Variants in CYP2C19 observed in about 807,000 individuals in gnomAD.
CYP2C19 encodes cytochrome P450 2C19.
Under a neutral mutation model 40.9 loss-of-function variants are expected in CYP2C19, and 59 were observed. That is an observed-to-expected ratio of 1.44 (90% CI 1.17 to 1.79). The LOEUF is 1.79. CYP2C19 is among the 40% of genes most tolerant of loss of function. The probability of loss-of-function intolerance (pLI) is 0.00; values close to 1 mark genes in which losing one functional copy is unlikely to be tolerated. For missense variants in CYP2C19, 754 were observed against 596.9 expected (o/e 1.26, Z -2.74); for synonymous variants, 253 against 208.7 (o/e 1.21, Z -1.83).
intron 3 of CYP2C19, among the ~76,000 whole-genome samples, chr10:94,777,815 G>A (rs1298198774): frequency 6.6e-6 from 1 of 152,062 alleles, no homozygotes; most frequent in Non-Finnish European, 1.5e-5. Flanking sequence ...AAACTAAAGA[G>A]CTTCTGCATA....
rs997537574 is a variant in CYP2C19 at position 94,853,946 on chromosome 10, A to C, written c.*1032A>C. Reference sequence around the variant, plus strand: ...CTTAGAATGAAGTAATGAAGTATAAATATATGCTTTCATATTGCTGCTCAT... The same window carrying C: ...CTTAGAATGAAGTAATGAAGTATAACTATATGCTTTCATATTGCTGCTCAT... On this transcript the variant is annotated 3_prime_UTR_variant, in exon 9 of 9. Coordinates refer to ENST00000371321, the MANE Select transcript of CYP2C19 (RefSeq NM_000769.4). Among the ~76,000 whole-genome samples, 2 of 152,092 alleles carry C rather than the reference A, an allele frequency of 1.3e-5. No individual in the cohort carries two copies. Among genetic ancestry groups the C allele is most frequent in the Non-Finnish European group, 2.9e-5 (2 of 68,018 alleles).
At chr10:94,778,362 C>A (rs533607438) in intron 3 of CYP2C19, among the ~76,000 whole-genome samples, 1 of 152,262 alleles carries the variant, frequency 6.6e-6, no homozygotes, top group South Asian at 2.1e-4. Context: ...CTATGCAGAG[C>A]CTTCCGACCT....
chr10:94,797,374 T>G (rs1180131905), intron 5 of CYP2C19, among the ~76,000 whole-genome samples: 1 of 152,126 alleles, frequency 6.6e-6, no homozygotes, highest in Non-Finnish European at 1.5e-5. Flanking sequence ...CTTTTTGATG[T>G]GCTGCTGGAT....
chr10:94,801,358 G>A (rs1331056637), intron 5 of CYP2C19, among the ~76,000 whole-genome samples: 3 of 152,170 alleles, frequency 2.0e-5, no homozygotes, highest in Non-Finnish European at 4.4e-5. Flanking sequence ...TTACTCAGTA[G>A]TCATTCAGGA....
intron 5 of CYP2C19, among the ~76,000 whole-genome samples, chr10:94,801,203 C>T (rs1213750136): frequency 1.3e-5 from 2 of 152,212 alleles, no homozygotes; most frequent in African/African-American, 4.8e-5. Flanking sequence ...GATTTTAGAT[C>T]TTTCATGCTT....
intron 1 of CYP2C19, among the ~76,000 whole-genome samples, chr10:94,763,103 C>A (rs989177645): frequency 6.6e-6 from 1 of 152,144 alleles, no homozygotes; most frequent in East Asian, 1.9e-4. Flanking sequence ...TTCAGAATAA[C>A]AAACTGTCAA....
chr10:94,841,682 A>G (rs1849497561), intron 6 of CYP2C19, among the ~76,000 whole-genome samples: 2 of 152,114 alleles, frequency 1.3e-5, no homozygotes, highest in African/African-American at 4.8e-5. Flanking sequence ...AGGTTTTGGT[A>G]TGTTATGTTT....
At chr10:94,768,982 C>T (rs764590082) in intron 1 of CYP2C19, among the ~76,000 whole-genome samples, 11 of 151,984 alleles carry the variant, frequency 7.2e-5, no homozygotes, top group South Asian at 2.1e-4. Flanking sequence ...TCACTGTATC[C>T]GGGGATCCAT....
chr10:94,767,563 A>G (rs1009461913), intron 1 of CYP2C19, among the ~76,000 whole-genome samples: 1 of 152,162 alleles, frequency 6.6e-6, no homozygotes, highest in South Asian at 2.1e-4. Flanking sequence ...ATAGTGACCT[A>G]TTCTTTGTTC....
rs1336469027 is a variant in CYP2C19, at chr10:94,852,719, TTTG to T, written c.1292-11_1292-9del. The T allele has an allele frequency of 2.5e-6, 4 of 1,613,286 alleles. No homozygotes were observed. The highest frequency in any genetic ancestry group is 3.4e-6 in the Non-Finnish European group (4 of 1,179,758). On this transcript the variant is annotated splice_polypyrimidine_tract_variant and intron_variant, in intron 8 of 8. Coordinates refer to ENST00000371321, the MANE Select transcript of CYP2C19 (RefSeq NM_000769.4). ...ACATGAGGAGTAACTTCTCCCTATGTTTGTTATTTTCAGGAAAACGGATTTGTG... is the reference window on the plus strand; with the variant it reads ...ACATGAGGAGTAACTTCTCCCTATGTTTATTTTCAGGAAAACGGATTTGTG...
intron 7 of CYP2C19, among the ~76,000 whole-genome samples, chr10:94,848,624 G>T (rs1018157259): frequency 3.3e-5 from 5 of 152,184 alleles, no homozygotes; most frequent in Non-Finnish European, 7.3e-5. Context: ...AAAGTCATTG[G>T]TAGCTTGATG....
chr10:94,820,330 C>A (rs1166413901), intron 5 of CYP2C19, among the ~76,000 whole-genome samples, 166 bp from the exon 6 acceptor site: 1 of 151,994 alleles, frequency 6.6e-6, no homozygotes, highest in South Asian at 2.1e-4. Context: ...AAAACTGGCA[C>A]AAGACAGGGA....
chr10:94,851,831 A>T (rs1439233121), intron 8 of CYP2C19, among the ~76,000 whole-genome samples: 2 of 152,178 alleles, frequency 1.3e-5, no homozygotes, highest in African/African-American at 4.8e-5. Flanking sequence ...GTAATGTTGC[A>T]CTGGGTATTA....
At chr10:94,769,341 T>C (rs1848295326) in intron 1 of CYP2C19, among the ~76,000 whole-genome samples, 1 of 152,164 alleles carries the variant, frequency 6.6e-6, no homozygotes, top group Admixed American at 6.5e-5. Flanking sequence ...ATGAGGGCTA[T>C]CCCTAAACCC....
chr10:94,831,511 T>A (rs145077708), intron 6 of CYP2C19, among the ~76,000 whole-genome samples: 2,890 of 152,312 alleles, frequency 0.019, 37 homozygotes, highest in South Asian at 0.039. Context: ...TAATTTACAT[T>A]CCCACCAACG....
chr10:94,793,601 C>T (rs1169137861), intron 5 of CYP2C19, among the ~76,000 whole-genome samples: 1 of 152,124 alleles, frequency 6.6e-6, no homozygotes, highest in Non-Finnish European at 1.5e-5. Flanking sequence ...AGGTGCAGGC[C>T]TGTTGGAGTT....
At chr10:94,851,333 A>G (rs1354997344) in intron 8 of CYP2C19, among the ~76,000 whole-genome samples, 1 of 151,416 alleles carries the variant, frequency 6.6e-6, no homozygotes, top group Non-Finnish European at 1.5e-5. Flanking sequence ...CAAGTGAGAA[A>G]TCATCCCCTA....
At chr10:94,808,836 T>C (rs767985091) in intron 5 of CYP2C19, among the ~76,000 whole-genome samples, 9 of 152,198 alleles carry the variant, frequency 5.9e-5, no homozygotes, top group Admixed American at 2.6e-4. Context: ...CACTCATCCA[T>C]TGATGAACAC....
intron 6 of CYP2C19, among the ~76,000 whole-genome samples, chr10:94,832,443 C>A (rs996897341): frequency 1.3e-5 from 2 of 152,192 alleles, no homozygotes; most frequent in East Asian, 3.8e-4. Flanking sequence ...GGGGAAACCA[C>A]CCCATGTTTC....
Sources: gnomAD v4.1 joint callset for allele counts (sites outside exome capture counted in the v4.1 genomes callset) on GRCh38, gnomAD v4.1.1 for gene constraint, MANE v1.5 for transcripts, NCBI Gene and HGNC (gene_info 2026-07-23, HGNC 2026-07-21) for gene names.